Variants in XRRA1 observed in about 807,000 individuals in gnomAD.
XRRA1 encodes X-ray radiation resistance-associated protein 1.
In XRRA1, 69 loss-of-function variants were observed where a neutral mutation model predicts 80.2. That is an observed-to-expected ratio of 0.86 (90% CI 0.71 to 1.05). The LOEUF is 1.05. Ranked by LOEUF, XRRA1 falls within the 50% of genes least tolerant of loss-of-function variation. The pLI, the probability that XRRA1 is intolerant of heterozygous loss-of-function variation, is 0.00. For synonymous variants in XRRA1, 348 were observed against 389.9 expected (o/e 0.89, Z 1.27); for missense variants, 967 against 976.4 (o/e 0.99, Z 0.13).
At chr11:74,947,397 G>A (rs1037626867) in intron 1 of XRRA1, among the ~76,000 whole-genome samples, 1 of 152,118 alleles carries the variant, frequency 6.6e-6, no homozygotes, top group African/African-American at 2.4e-5. Context: ...GTGGTGGCAT[G>A]TGCCTGTAGT....
chr11:74,908,354 CT>C (rs2055094326), intron 8 of XRRA1, among the ~76,000 whole-genome samples: 1 of 152,172 alleles, frequency 6.6e-6, no homozygotes, highest in Admixed American at 6.5e-5. Context: ...ATCCCATGCC[CT>C]TTCCACTGCC....
chr11:74,894,539 G>C (rs1360358809), intron 10 of XRRA1, among the ~76,000 whole-genome samples: 2 of 152,196 alleles, frequency 1.3e-5, no homozygotes, highest in Non-Finnish European at 1.5e-5. Flanking sequence ...GGGGAGGCAG[G>C]CACCTTCTTC....
intron 14 of XRRA1, among the ~76,000 whole-genome samples, chr11:74,849,418 T>G (rs895439231): frequency 2.0e-5 from 3 of 152,216 alleles, no homozygotes; most frequent in African/African-American, 7.2e-5. Context: ...TTTAAAAAAA[T>G]GTATTTCCTT....
At position 74,841,302 on chromosome 11, in the gene XRRA1, G is replaced by A. The variant is rs2036504128; in HGVS notation, c.*1898C>T. ...AAAGAGAAAGCAGGTCTGGGGCGGG[G>A]TGGTCAGGAGACAGATTCTAGGGAA... On this transcript the variant is annotated 3_prime_UTR_variant, in exon 19 of 19. Transcript: ENST00000684022. The A allele has an allele frequency of 1.3e-5, 2 of 152,278 alleles. No homozygotes were observed. Among genetic ancestry groups the A allele is most frequent in the East Asian group, 1.9e-4 (1 of 5,174 alleles). 9.4% of individuals were successfully genotyped at this position (152,278 alleles called of 1,614,324 possible). A position where few individuals can be genotyped will look rare whatever the true frequency, so the allele number is the denominator to read the frequency against.
At chr11:74,851,266 T>C in intron 13 of XRRA1, 63 bp from the exon 14 acceptor site, 1 of 1,244,802 alleles carries the variant, frequency 8.0e-7, no homozygotes, top group Non-Finnish European at 1.1e-6. Context: ...GCTTACTATG[T>C]GCCAGGCACT....
At position 74,845,361 on chromosome 11, in the gene XRRA1, G is replaced by C. The variant is rs563228440; in HGVS notation, c.1729-90C>G. On this transcript the variant is annotated intron_variant, in intron 15 of 18. Transcript: ENST00000684022. ...GAGTATCATCTCTGTGCTGGTCTCT[G>C]CTGGGCCCTGTTAAGGGCAAGGGTA... The C allele has an allele frequency of 7.5e-5, 104 of 1,385,042 alleles. 1 individual carries two copies. The African/African-American group carries it at 1.3e-3, about 17-fold the overall frequency. 85.8% of individuals were successfully genotyped at this position (1,385,042 alleles called of 1,614,324 possible). A position where few individuals can be genotyped will look rare whatever the true frequency, so the allele number is the denominator to read the frequency against.
At chr11:74,872,531 T>TATCCA (rs1447512597) in intron 10 of XRRA1, among the ~76,000 whole-genome samples, 2 of 152,158 alleles carry the variant, frequency 1.3e-5, no homozygotes, top group East Asian at 3.9e-4. Flanking sequence ...CCCCAAGGTG[T>TATCCA]ATCCATTAGT....
chr11:74,856,993 C>T (rs1359040481), intron 12 of XRRA1, among the ~76,000 whole-genome samples: 1 of 152,084 alleles, frequency 6.6e-6, no homozygotes, highest in East Asian at 1.9e-4. Flanking sequence ...AAAGCCTATC[C>T]TTGAGACACA....
intron 8 of XRRA1, chr11:74,909,976 G>T (rs550491): frequency 6.6e-6 from 1 of 152,572 alleles, no homozygotes; most frequent in East Asian, 1.9e-4. Flanking sequence ...TGTGACTTCC[G>T]GCTGGTGTTG....
intron 15 of XRRA1, 63 bp downstream of exon 15, chr11:74,848,052 A>G: frequency 6.9e-7 from 1 of 1,453,794 alleles, no homozygotes; most frequent in Non-Finnish European, 9.3e-7. Context: ...ATCGAGCCTA[A>G]GGGCTGCACA....
chr11:74,920,952 AG>A (rs1365164492), intron 8 of XRRA1, among the ~76,000 whole-genome samples: 1 of 152,210 alleles, frequency 6.6e-6, no homozygotes, highest in Non-Finnish European at 1.5e-5. Flanking sequence ...GGGCTCATGA[AG>A]GAGAATTGTC....
intron 10 of XRRA1, among the ~76,000 whole-genome samples, chr11:74,904,442 T>C (rs111723117): frequency 2.6e-5 from 4 of 151,372 alleles, no homozygotes; most frequent in African/African-American, 4.9e-5. Context: ...CCTGGGGTGA[T>C]AGGGTGAGAC....
At chr11:74,904,435 G>A (rs1163430098) in intron 10 of XRRA1, among the ~76,000 whole-genome samples, 1 of 151,776 alleles carries the variant, frequency 6.6e-6, no homozygotes, top group East Asian at 1.9e-4. Context: ...ACTTCAGCCT[G>A]GGGTGATAGG....
chr11:74,922,864 G>A (rs1941244811), intron 7 of XRRA1, among the ~76,000 whole-genome samples: 1 of 152,158 alleles, frequency 6.6e-6, no homozygotes, highest in African/African-American at 2.4e-5. Flanking sequence ...TTATACTGGA[G>A]TCTAGTATAC....
rs773395555 is a variant in XRRA1, at chr11:74,940,817, G to T, written c.62C>A (p.Pro21Gln). ...CGGCACGCGAAGCAGATTTCTGGCTGGGAAGCAGTTGTTCAGGTAAGGCTT... is the reference window on the plus strand; with the variant it reads ...CGGCACGCGAAGCAGATTTCTGGCTTGGAAGCAGTTGTTCAGGTAAGGCTT... ...DGKPYLNNCF[P>Q]ARNLLRVPEE... Residue 21 changes from proline to glutamine, a missense_variant, in exon 3 of 19, where the codon CCA becomes CAA. Pro to Gln is a moderately conservative substitution (Grantham distance 76). Coordinates refer to ENST00000684022, the MANE Select transcript of XRRA1 (RefSeq NM_001378157.1). 6.2e-7 allele frequency: 1 copy of T among 1,608,918 alleles called. No individual in the cohort carries two copies. The highest frequency in any genetic ancestry group is 2.2e-5 in the East Asian group (1 of 44,738).
At chr11:74,858,679 C>A (rs2041674951) in intron 12 of XRRA1, among the ~76,000 whole-genome samples, 1 of 152,174 alleles carries the variant, frequency 6.6e-6, no homozygotes, top group South Asian at 2.1e-4. Flanking sequence ...CCCCTCTTCA[C>A]CTGATTAAAC....
At position 74,855,753 on chromosome 11, in the gene XRRA1, T is replaced by C. The variant is rs149923717; in HGVS notation, c.1170+3405A>G. On this transcript the variant is annotated intron_variant, in intron 12 of 18. Coordinates refer to ENST00000684022, the MANE Select transcript of XRRA1 (RefSeq NM_001378157.1). ...GAATATTCTAGATGTATAAGTTCTG[T>C]TTAAAGGCAGAATTTATTTTGAAGT... is the stretch of plus-strand genomic sequence containing the variant. Among the ~76,000 whole-genome samples the C allele has an allele frequency of 5.3e-5, 8 of 152,338 alleles. No individual in the cohort carries two copies. The East Asian group carries it at 1.5e-3, about 29-fold the overall frequency.
At chr11:74,941,084 T>G (rs1215803354) in intron 2 of XRRA1, among the ~76,000 whole-genome samples, 2 of 152,130 alleles carry the variant, frequency 1.3e-5, no homozygotes, top group Non-Finnish European at 2.9e-5. Flanking sequence ...CCTGGGTTTT[T>G]CAGTTCAAAT....
chr11:74,937,959 G>T (rs1945413150), intron 3 of XRRA1, among the ~76,000 whole-genome samples: 1 of 152,140 alleles, frequency 6.6e-6, no homozygotes, highest in Non-Finnish European at 1.5e-5. Context: ...TATAGCCCCT[G>T]CCCACACAGT....
Sources: allele counts gnomAD v4.1 joint callset (sites outside exome capture counted in the v4.1 genomes callset), GRCh38; gene constraint gnomAD v4.1.1; transcripts MANE v1.5; gene names NCBI Gene and HGNC (gene_info 2026-07-23, HGNC 2026-07-21).